ROBO2: variants seen among roughly 807,000 people sequenced by gnomAD.
ROBO2 encodes the protein roundabout homolog 2.
A neutral mutation model predicts 160.8 loss-of-function variants in ROBO2; 53 were observed. That is an observed-to-expected ratio of 0.33 (90% CI 0.26 to 0.41). ROBO2 has a LOEUF of 0.41. Ranked by LOEUF, ROBO2 falls within the 10% of genes least tolerant of loss-of-function variation. ROBO2 has a pLI of 1.00. For synonymous variants in ROBO2, 664 were observed against 611.7 expected (o/e 1.09, Z -1.26); for missense variants, 1,577 against 1,722.4 (o/e 0.92, Z 1.49).
At chr3:76,528,489 C>G (rs1387883969) in intron 2 of ROBO2, among the ~76,000 whole-genome samples, 2 of 152,004 alleles carry the variant, frequency 1.3e-5, no homozygotes, top group Non-Finnish European at 2.9e-5. Context: ...AGGATGTCTC[C>G]AAGTGGTTTG....
intron 2 of ROBO2, among the ~76,000 whole-genome samples, chr3:76,403,617 A>G (rs2077974003): frequency 6.6e-6 from 1 of 151,530 alleles, no homozygotes; most frequent in African/African-American, 2.4e-5. Flanking sequence ...ACTGCAGGCC[A>G]CCACTTCTGT....
At chr3:77,449,460 C>G (rs946168090) in intron 2 of ROBO2, among the ~76,000 whole-genome samples, 3 of 151,938 alleles carry the variant, frequency 2.0e-5, no homozygotes, top group African/African-American at 7.3e-5. Flanking sequence ...ACATCTTGAA[C>G]AAAATATGCG....
At chr3:77,094,814 G>C (rs6775403) in intron 1 of ROBO2, among the ~76,000 whole-genome samples, 10,123 of 151,980 alleles carry the variant, frequency 0.067, 449 homozygotes, top group Middle Eastern at 0.15. Context: ...TGTGGTTATG[G>C]CTATTTGTCT....
At chr3:76,100,513 TAAA>T (rs1178086711) in intron 2 of ROBO2, among the ~76,000 whole-genome samples, 1 of 152,200 alleles carries the variant, frequency 6.6e-6, no homozygotes, top group African/African-American at 2.4e-5. Flanking sequence ...AAATTTTACT[TAAA>T]AAGTATCATA....
At chr3:76,689,329 T>C (rs1474146081) in intron 2 of ROBO2, among the ~76,000 whole-genome samples, 3 of 152,056 alleles carry the variant, frequency 2.0e-5, no homozygotes, top group African/African-American at 7.2e-5. Flanking sequence ...TTAATATTTA[T>C]CAGAGAAATC....
chr3:77,430,866 T>C (rs1422338529), intron 2 of ROBO2, among the ~76,000 whole-genome samples: 1 of 152,228 alleles, frequency 6.6e-6, no homozygotes, highest in African/African-American at 2.4e-5. Flanking sequence ...TAGTTGATGA[T>C]CTCAAGATTC....
chr3:76,223,978 T>C (rs888055665), intron 2 of ROBO2, among the ~76,000 whole-genome samples: 20 of 152,346 alleles, frequency 1.3e-4, no homozygotes, highest in Admixed American at 5.2e-4. Context: ...CTAAAAATAG[T>C]TCCTGCCATG....
chr3:76,824,690 AC>A (rs1419408448), intron 2 of ROBO2, among the ~76,000 whole-genome samples: 1 of 152,138 alleles, frequency 6.6e-6, no homozygotes, highest in Non-Finnish European at 1.5e-5. Context: ...TAGATTTTAC[AC>A]ACTAAGGGGT....
chr3:76,011,913 C>G (rs1384487289), intron 2 of ROBO2, among the ~76,000 whole-genome samples: 1 of 152,170 alleles, frequency 6.6e-6, no homozygotes, highest in Non-Finnish European at 1.5e-5. Flanking sequence ...AGTCATCCCC[C>G]TTTCAGCAGT....
At chr3:77,251,779 A>G (rs1427873432) in intron 2 of ROBO2, among the ~76,000 whole-genome samples, 1 of 152,038 alleles carries the variant, frequency 6.6e-6, no homozygotes. Context: ...TTCCACTTTC[A>G]CTTGACTCTC....
intron 2 of ROBO2, among the ~76,000 whole-genome samples, chr3:76,621,189 T>C (rs567155492): frequency 6.6e-6 from 1 of 152,122 alleles, no homozygotes; most frequent in South Asian, 2.1e-4. Context: ...CTTTATTAAA[T>C]GGTTGTATGT....
At chr3:77,277,157 C>CTTCCTTCT (rs1553882842) in intron 2 of ROBO2, among the ~76,000 whole-genome samples, 7 of 88,214 alleles carry the variant, frequency 7.9e-5, no homozygotes, top group East Asian at 4.1e-4. Flanking sequence ...TCCTTCTTTC[C>CTTCCTTCT]TTCTTTCTTT....
At chr3:77,198,188 T>C (rs1015688019) in intron 2 of ROBO2, among the ~76,000 whole-genome samples, 1 of 152,222 alleles carries the variant, frequency 6.6e-6, no homozygotes, top group Non-Finnish European at 1.5e-5. Context: ...CATGATCTCC[T>C]TGTTACTTAC....
intron 2 of ROBO2, among the ~76,000 whole-genome samples, chr3:76,502,289 G>T (rs1418493220): frequency 6.6e-6 from 1 of 152,104 alleles, no homozygotes; most frequent in Non-Finnish European, 1.5e-5. Context: ...CTGTCTATAA[G>T]CTGTCACACC....
intron 2 of ROBO2, among the ~76,000 whole-genome samples, chr3:76,717,448 G>A (rs906141259): frequency 5.4e-5 from 8 of 147,468 alleles, no homozygotes; most frequent in Middle Eastern, 3.9e-3. Flanking sequence ...CCAAGAATGC[G>A]CCACTGCACT....
intron 2 of ROBO2, among the ~76,000 whole-genome samples, chr3:77,432,185 A>G (rs1482757050): frequency 6.6e-6 from 1 of 152,176 alleles, no homozygotes; most frequent in East Asian, 1.9e-4. Flanking sequence ...GAGGATTATA[A>G]AAGTCATTTG....
intron 19 of ROBO2, among the ~76,000 whole-genome samples, chr3:77,600,813 A>G (rs1270198084): frequency 1.3e-5 from 2 of 152,224 alleles, no homozygotes; most frequent in African/African-American, 4.8e-5. Context: ...TTTTGTAATT[A>G]GGACATAGCT....
intron 2 of ROBO2, among the ~76,000 whole-genome samples, chr3:76,628,105 G>C (rs1232668303): frequency 6.6e-6 from 1 of 152,156 alleles, no homozygotes; most frequent in Non-Finnish European, 1.5e-5. Flanking sequence ...TGCCAGAATG[G>C]TTTCTAAGCT....
At chr3:76,454,193 C>T (rs1186555861) in intron 2 of ROBO2, among the ~76,000 whole-genome samples, 2 of 152,116 alleles carry the variant, frequency 1.3e-5, no homozygotes, top group Non-Finnish European at 2.9e-5. Flanking sequence ...AATTTTATTA[C>T]TGCTATCAAA....
Sources: gnomAD v4.1 joint callset for allele counts (sites outside exome capture counted in the v4.1 genomes callset) on GRCh38, gnomAD v4.1.1 for gene constraint, MANE v1.5 for transcripts, NCBI Gene and HGNC (gene_info 2026-07-23, HGNC 2026-07-21) for gene names.